APOM: variants seen among roughly 807,000 people sequenced by gnomAD.
APOM encodes the protein apolipoprotein M.
Under a neutral mutation model 23.5 loss-of-function variants are expected in APOM, and 24 were observed. The observed-to-expected ratio is 1.02, with a 90% CI of 0.74 to 1.44. APOM has a LOEUF of 1.44. Among genes scored for constraint, APOM ranks in the 40% most tolerant of loss-of-function variants. The probability of loss-of-function intolerance (pLI) is 0.00; values close to 1 mark genes in which losing one functional copy is unlikely to be tolerated. For synonymous variants in APOM, 82 were observed against 84.1 expected (o/e 0.97, Z 0.14); for missense variants, 200 against 233.2 (o/e 0.86, Z 0.93).
intron 5 of APOM, 153 bp downstream of exon 5, chr6:31,657,876 AAG>A: frequency 3.1e-6 from 3 of 963,088 alleles, no homozygotes; most frequent in Non-Finnish European, 4.9e-6. Context: ...GGCTACTCAA[AAG>A]AGAGGTTTCT....
At chr6:31,656,648 G>A (rs781773327) in intron 2 of APOM, 22 bp downstream of exon 2, 1 of 1,609,958 alleles carries the variant, frequency 6.2e-7, no homozygotes. Flanking sequence ...GGAGGCAGAA[G>A]CATCACTGGG....
intron 2 of APOM, 48 bp downstream of exon 2, chr6:31,656,674 A>G: frequency 1.9e-6 from 3 of 1,589,696 alleles, no homozygotes; most frequent in Non-Finnish European, 1.7e-6. Context: ...TCTCTGCCCA[A>G]AGTGTGAGAA....
At chr6:31,654,836 T>C (rs764756112), upstream of APOM, among the ~76,000 whole-genome samples, 17 of 152,254 alleles carry the variant, frequency 1.1e-4, no homozygotes, top group Non-Finnish European at 2.2e-4. Context: ...GGACTTACCA[T>C]GTGCAAGTCT....
In APOM at chr6:31,658,156, A is replaced by C; in HGVS notation, c.*67A>C. Reference sequence around the variant, plus strand: ...CTGAGTTGTTGGAGGGAGAAGCTGGAGACTTCCAGCTCCAGCTCCCACTCA... The same window carrying C: ...CTGAGTTGTTGGAGGGAGAAGCTGGCGACTTCCAGCTCCAGCTCCCACTCA... On this transcript the variant is annotated 3_prime_UTR_variant, in exon 6 of 6. Transcript: ENST00000375916. 6.5e-7 allele frequency: 1 copy of C among 1,546,362 alleles called. No homozygotes were observed. The highest frequency in any genetic ancestry group is 8.9e-7 in the Non-Finnish European group (1 of 1,118,766).
chr6:31,656,529 G>A lies in APOM; in HGVS notation c.172G>A (p.Glu58Lys). 6.2e-7 allele frequency: 1 copy of A among 1,614,144 alleles called. No individual in the cohort carries two copies. Among genetic ancestry groups the A allele is most frequent in the Non-Finnish European group, 8.5e-7 (1 of 1,180,028 alleles). ...TATCGCAGGGGCAGCTCCCACCAAG[G>A]AGGAGTTGGCAACTTTTGACCCTGT... Reference protein sequence around the residue: ...YFIAGAAPTKEELATFDPVDN... With the variant: ...YFIAGAAPTKKELATFDPVDN... The change falls in exon 2 of 6, where the codon GAG (glutamate) becomes AAG (lysine). Residue 58 changes from glutamate (E) to lysine (K), a missense_variant. Physicochemically the swap from Glu to Lys is moderately conservative, Grantham distance 56 (BLOSUM62 1). Coordinates refer to ENST00000375916, the MANE Select transcript of APOM (RefSeq NM_019101.3).
rs1397921353 is a variant in APOM at position 31,655,898 on chromosome 6, T to C, written c.-69T>C. 9.5e-7 allele frequency: 1 copy of C among 1,049,156 alleles called. No homozygotes were observed. Among genetic ancestry groups the C allele is most frequent in the African/African-American group, 1.6e-5 (1 of 63,202 alleles). The allele number at this position is 1,049,156 out of a possible 1,614,324, so 65.0% of individuals were successfully genotyped here. On this transcript the variant is annotated 5_prime_UTR_variant, in exon 1 of 6. Coordinates refer to ENST00000375916, the MANE Select transcript of APOM (RefSeq NM_019101.3). ...GAACGCAAGGGAGCTGAAAGCAGAG[T>C]GGACTGAGCAGCCAGTAGGGGAGAG...
At chr6:31,652,977 C>T (rs549056865), upstream of APOM, among the ~76,000 whole-genome samples, 1 of 152,292 alleles carries the variant, frequency 6.6e-6, no homozygotes, top group East Asian at 1.9e-4. Flanking sequence ...TGCGCCCTTT[C>T]TTCTGTGCCT....
At chr6:31,657,538 C>T in intron 4 of APOM, 60 bp downstream of exon 4, 1 of 1,604,404 alleles carries the variant, frequency 6.2e-7, no homozygotes, top group Non-Finnish European at 8.5e-7. Flanking sequence ...AGGAGAACTC[C>T]TCACTCTGGG....
upstream of APOM, among the ~76,000 whole-genome samples, chr6:31,654,902 C>A (rs1799869544): frequency 6.6e-6 from 1 of 152,130 alleles, no homozygotes; most frequent in Non-Finnish European, 1.5e-5. Context: ...TGATGATTTG[C>A]CAATTTTACA....
At chr6:31,656,274 T>TG (rs1800044651) in intron 1 of APOM, among the ~76,000 whole-genome samples, 194 bp downstream of exon 1, 1 of 150,052 alleles carries the variant, frequency 6.7e-6, no homozygotes, top group Non-Finnish European at 1.5e-5. Context: ...GGGGGTGGGG[T>TG]GGTTACCCAG....
chr6:31,656,131 G>C, intron 1 of APOM, 51 bp downstream of exon 1: 1 of 1,423,958 alleles, frequency 7.0e-7, no homozygotes, highest in Non-Finnish European at 9.7e-7. Flanking sequence ...GAGGGACTTG[G>C]GTGGATGGCC....
In APOM at chr6:31,656,021, T is replaced by TC; in HGVS notation, c.57dup (p.Ile20HisfsTer6). 1 of 1,598,146 alleles carries TC rather than the reference T, an allele frequency of 6.3e-7. No homozygotes were observed. Among genetic ancestry groups the TC allele is most frequent in the South Asian group, 1.1e-5 (1 of 88,444 alleles). On this transcript the variant is annotated frameshift_variant, in exon 1 of 6. Coordinates refer to ENST00000375916, the MANE Select transcript of APOM (RefSeq NM_019101.3). LOFTEE classifies it high-confidence loss of function. ...CTACTTCTATGGTATTATCCTTAAC[T>TC]CCATCTACCAGTGCCCTGAGCACAG... is the stretch of plus-strand genomic sequence containing the variant.
chr6:31,657,558 ACCCT>A (rs1243761806), intron 4 of APOM, 63 bp from the exon 5 acceptor site: 1 of 1,598,580 alleles, frequency 6.3e-7, no homozygotes, highest in Non-Finnish European at 8.6e-7. Flanking sequence ...GTCCTATGAC[ACCCT>A]CCCAGGAAGA....
chr6:31,655,721 A>G (rs1256602617), upstream of APOM: 9 of 477,202 alleles, frequency 1.9e-5, 1 homozygote, highest in Admixed American at 1.0e-4. Context: ...AGCTCTCCTC[A>G]TAACTCCTGA....
chr6:31,653,712 C>T (rs1191547798), upstream of APOM, among the ~76,000 whole-genome samples: 4 of 152,116 alleles, frequency 2.6e-5, no homozygotes, highest in East Asian at 1.9e-4. Context: ...GAGAGGGTCT[C>T]GCTTTGTCGC....
At chr6:31,657,932 G>A in intron 5 of APOM, 132 bp from the exon 6 acceptor site, 2 of 1,073,360 alleles carry the variant, frequency 1.9e-6, no homozygotes, top group Non-Finnish European at 1.4e-6. Flanking sequence ...TACGTGGAGG[G>A]AAAAGAGCCT....
intron 1 of APOM, 57 bp downstream of exon 1, chr6:31,656,137 T>A: frequency 7.4e-7 from 1 of 1,351,402 alleles, no homozygotes; most frequent in Non-Finnish European, 1.0e-6. Flanking sequence ...CTTGGGTGGA[T>A]GGCCTAGGAT....
In APOM at chr6:31,657,457, T is replaced by A. The variant is rs570765318; in HGVS notation, c.421T>A (p.Tyr141Asn). The A allele has an allele frequency of 4.3e-6, 7 of 1,612,886 alleles. No individual in the cohort carries two copies. In the East Asian group the frequency reaches 1.6e-4, roughly 36 times the overall value. Residue 141 changes from tyrosine (Y) to asparagine (N), a missense_variant, in exon 4 of 6, where the codon TAC becomes AAC. Coordinates refer to ENST00000375916, the MANE Select transcript of APOM (RefSeq NM_019101.3). ...GIMLNETGQG[Y>N]QRFLLYNRSP... is the part of the protein sequence containing the mutation. ...CATGCTGAATGAGACAGGCCAGGGT[T>A]ACCAGCGCTTTCTCCTCTACAGTGA...
chr6:31,654,624 C>A (rs900549505), upstream of APOM, among the ~76,000 whole-genome samples: 1 of 152,176 alleles, frequency 6.6e-6, no homozygotes, highest in Admixed American at 6.5e-5. Context: ...CAGAGTGAGA[C>A]CCTGTCTTAA....
Sources: allele counts gnomAD v4.1 joint callset (sites outside exome capture counted in the v4.1 genomes callset), GRCh38; gene constraint gnomAD v4.1.1; transcripts MANE v1.5; gene names NCBI Gene and HGNC (gene_info 2026-07-23, HGNC 2026-07-21).